SMYD3: variants seen among roughly 807,000 people sequenced by gnomAD.
SMYD3 encodes the protein histone-lysine N-methyltransferase SMYD3.
A neutral mutation model predicts 57.7 loss-of-function variants in SMYD3; 36 were observed. The ratio of observed to expected loss-of-function variants is 0.62; its 90% CI spans 0.48 to 0.82. The LOEUF is 0.82. SMYD3 is among the 40% of genes least tolerant of loss of function. The pLI, the probability that SMYD3 is intolerant of heterozygous loss-of-function variation, is 0.00. For missense variants in SMYD3, 515 were observed against 538.8 expected, an observed-to-expected ratio of 0.96 and a Z score of 0.44; for synonymous variants, 211 against 195.0, an observed-to-expected ratio of 1.08 and a Z score of -0.68.
chr1:246,226,483 A>G (rs1236391853), intron 5 of SMYD3, among the ~76,000 whole-genome samples: 1 of 152,252 alleles, frequency 6.6e-6, no homozygotes, highest in East Asian at 1.9e-4. Flanking sequence ...TAAAACATTC[A>G]GTTAGTGGTA....
At chr1:246,315,626 G>A (rs562611790) in intron 5 of SMYD3, among the ~76,000 whole-genome samples, 3 of 152,272 alleles carry the variant, frequency 2.0e-5, no homozygotes, top group Non-Finnish European at 2.9e-5. Context: ...CTGATACGTT[G>A]TTGGAACGCT....
chr1:245,831,100 G>A (rs955560542), intron 10 of SMYD3, among the ~76,000 whole-genome samples: 6 of 152,218 alleles, frequency 3.9e-5, no homozygotes, highest in East Asian at 1.9e-4. Context: ...TCAGAAATCC[G>A]GTTCCACGTT....
chr1:246,014,549 T>C (rs1358173010), intron 5 of SMYD3, among the ~76,000 whole-genome samples: 2 of 152,152 alleles, frequency 1.3e-5, no homozygotes, highest in Non-Finnish European at 1.5e-5. Flanking sequence ...ATGTCTCCAG[T>C]TCTCCAAAAT....
intron 5 of SMYD3, among the ~76,000 whole-genome samples, chr1:246,101,771 C>G (rs2061020083): frequency 6.6e-6 from 1 of 152,188 alleles, no homozygotes; most frequent in African/African-American, 2.4e-5. Context: ...TCTTTTCACT[C>G]TTCCCGGTAG....
At chr1:245,940,654 C>A (rs2057203709) in intron 5 of SMYD3, among the ~76,000 whole-genome samples, 1 of 151,282 alleles carries the variant, frequency 6.6e-6, no homozygotes, top group Non-Finnish European at 1.5e-5. Context: ...AAAAACCCCA[C>A]CTAAAGGTCA....
At chr1:245,859,799 C>T (rs966166736) in intron 9 of SMYD3, among the ~76,000 whole-genome samples, 5 of 152,294 alleles carry the variant, frequency 3.3e-5, no homozygotes, top group South Asian at 2.1e-4. Context: ...GGCAGCCTAG[C>T]CTTTGACTGT....
At chr1:246,151,406 T>C (rs1210153715) in intron 5 of SMYD3, among the ~76,000 whole-genome samples, 3 of 152,124 alleles carry the variant, frequency 2.0e-5, no homozygotes, top group Non-Finnish European at 2.9e-5. Flanking sequence ...ATGGGGTTCA[T>C]GGCCAAGGTG....
At chr1:246,425,566 A>G (rs1288673734) in intron 1 of SMYD3, among the ~76,000 whole-genome samples, 1 of 152,202 alleles carries the variant, frequency 6.6e-6, no homozygotes, top group African/African-American at 2.4e-5. Context: ...GACAAGAGTG[A>G]ATGAATAAAT....
At chr1:246,304,707 C>A (rs2064950932) in intron 5 of SMYD3, among the ~76,000 whole-genome samples, 1 of 152,180 alleles carries the variant, frequency 6.6e-6, no homozygotes, top group Non-Finnish European at 1.5e-5. Flanking sequence ...AATACACCCC[C>A]TGCAGCCTAA....
At chr1:246,394,482 T>C (rs1318498) in intron 1 of SMYD3, among the ~76,000 whole-genome samples, 11,214 of 152,304 alleles carry the variant, frequency 0.074, 830 homozygotes, top group African/African-American at 0.19. Context: ...CGAACCTTAA[T>C]CATTTCCACC....
chr1:245,802,870 T>A (rs970539607), intron 10 of SMYD3, among the ~76,000 whole-genome samples: 3 of 152,202 alleles, frequency 2.0e-5, no homozygotes, highest in African/African-American at 7.2e-5. Context: ...TCTTAAGTCA[T>A]TGAGACTTGT....
chr1:246,213,122 A>G (rs1007200005), intron 5 of SMYD3, among the ~76,000 whole-genome samples: 1 of 152,172 alleles, frequency 6.6e-6, no homozygotes, highest in Non-Finnish European at 1.5e-5. Context: ...GAATTCTGTC[A>G]AGGGAAATTA....
chr1:246,259,972 G>T (rs1270057229), intron 5 of SMYD3, among the ~76,000 whole-genome samples: 1 of 152,176 alleles, frequency 6.6e-6, no homozygotes, highest in African/African-American at 2.4e-5. Flanking sequence ...GTGTAGTATA[G>T]TGGGCTCCCC....
intron 5 of SMYD3, among the ~76,000 whole-genome samples, chr1:246,007,386 A>G (rs2059193517): frequency 6.6e-6 from 1 of 152,148 alleles, no homozygotes; most frequent in African/African-American, 2.4e-5. Flanking sequence ...CTGGTCAATG[A>G]TCTACTTGCA....
intron 5 of SMYD3, among the ~76,000 whole-genome samples, chr1:246,054,226 G>A (rs1232241621): frequency 6.6e-6 from 1 of 152,106 alleles, no homozygotes; most frequent in South Asian, 2.1e-4. Context: ...GACTGCCACC[G>A]AGCACGTATT....
chr1:246,358,234 A>G (rs1347647620), intron 1 of SMYD3, among the ~76,000 whole-genome samples: 1 of 152,224 alleles, frequency 6.6e-6, no homozygotes, highest in Admixed American at 6.5e-5. Context: ...TTATATAACA[A>G]TAAAAGGACT....
intron 1 of SMYD3, among the ~76,000 whole-genome samples, chr1:246,407,222 A>T (rs964704026): frequency 2.0e-5 from 3 of 152,250 alleles, no homozygotes; most frequent in African/African-American, 7.2e-5. Flanking sequence ...GTAACTGCTG[A>T]TTATGTATAA....
At position 246,409,898 on chromosome 1, in the gene SMYD3, T is replaced by C. The variant is rs201580669; in HGVS notation, c.165-54804A>G. Reference sequence around the variant, plus strand: ...CCTTGAAGAGGTCCTTCACGTCCCTTGTAAGTTGGATTCCTAGGTATTTTA... The same window carrying C: ...CCTTGAAGAGGTCCTTCACGTCCCTCGTAAGTTGGATTCCTAGGTATTTTA... On this transcript the variant is annotated intron_variant, in intron 1 of 11. Coordinates refer to ENST00000490107, the MANE Select transcript of SMYD3 (RefSeq NM_001167740.2). Among the ~76,000 whole-genome samples the C allele has an allele frequency of 0.017, 2,593 of 152,286 alleles. 227 individuals are homozygous for C. In the East Asian group the frequency reaches 0.24, roughly 14 times the overall value.
At chr1:246,131,464 C>G (rs2061586042) in intron 5 of SMYD3, among the ~76,000 whole-genome samples, 1 of 152,144 alleles carries the variant, frequency 6.6e-6, no homozygotes, top group South Asian at 2.1e-4. Flanking sequence ...ACCTTAGGTT[C>G]TTATTCATAA....
Sources: allele counts gnomAD v4.1 joint callset (sites outside exome capture counted in the v4.1 genomes callset), GRCh38; gene constraint gnomAD v4.1.1; transcripts MANE v1.5; gene names NCBI Gene and HGNC (gene_info 2026-07-23, HGNC 2026-07-21).